The following STRN variants were observed in gnomAD, a reference collection of about 807,000 sequenced individuals.
STRN encodes striatin.
Under a neutral mutation model 96.3 loss-of-function variants are expected in STRN, and 53 were observed. That is an observed-to-expected ratio of 0.55 (90% CI 0.44 to 0.69). The LOEUF is 0.69. STRN is among the 30% of genes least tolerant of loss of function. The pLI is 0.00. For synonymous variants in STRN, 428 were observed against 355.9 expected, an observed-to-expected ratio of 1.20 and a Z score of -2.28; for missense variants, 987 against 963.9, an observed-to-expected ratio of 1.02 and a Z score of -0.32.
chr2:36,843,809 T>C lies in STRN; in HGVS notation c.*5647A>G, dbSNP rs928097596. On this transcript the variant is annotated 3_prime_UTR_variant, in exon 18 of 18. Transcript: ENST00000263918. ...ACCTATAGCATGTTATCTATATTTG[T>C]ACACTTTATTTAAAAACAAATAATA... 1.3e-5 allele frequency: 2 copies of C among 152,200 alleles called. No individual in the cohort carries two copies. Among genetic ancestry groups the C allele is most frequent in the Admixed American group, 1.3e-4 (2 of 15,272 alleles). 9.4% of individuals were successfully genotyped at this position (152,200 alleles called of 1,614,324 possible). A position where few individuals can be genotyped will look rare whatever the true frequency, so the allele number is the denominator to read the frequency against.
intron 1 of STRN, among the ~76,000 whole-genome samples, chr2:36,954,730 G>T (rs1354235200): frequency 6.6e-6 from 1 of 151,524 alleles, no homozygotes; most frequent in Non-Finnish European, 1.5e-5. Context: ...TCTGCCTCCT[G>T]GGTTCAAGCG....
At chr2:36,861,518 G>A (rs1668479060) in intron 12 of STRN, among the ~76,000 whole-genome samples, 1 of 151,950 alleles carries the variant, frequency 6.6e-6, no homozygotes, top group African/African-American at 2.4e-5. Flanking sequence ...CATTTTTAAA[G>A]GGTTATAAAA....
chr2:36,874,357 G>C lies in STRN; in HGVS notation c.1323+3534C>G, dbSNP rs76332631. 5.2e-3 allele frequency among the ~76,000 whole-genome samples: 786 copies of C among 151,744 alleles called. 6 individuals are homozygous for C. The highest frequency in any genetic ancestry group is 0.018 in the African/African-American group (729 of 41,382). On this transcript the variant is annotated intron_variant, in intron 10 of 17. Transcript: ENST00000263918. ...TGAAGAGACAATTAGTGAACTGAAAGATGAATCATAAAAAAAATAAAGGGA... is the reference window on the plus strand; with the variant it reads ...TGAAGAGACAATTAGTGAACTGAAACATGAATCATAAAAAAAATAAAGGGA...
chr2:36,943,386 C>CTA (rs72109513), intron 1 of STRN, among the ~76,000 whole-genome samples: 196 of 148,900 alleles, frequency 1.3e-3, no homozygotes, highest in African/African-American at 2.4e-3. Flanking sequence ...GGGACTAGAA[C>CTA]TATATATATA....
At chr2:36,859,127 G>A (rs548287253) in intron 13 of STRN, among the ~76,000 whole-genome samples, 1 of 152,302 alleles carries the variant, frequency 6.6e-6, no homozygotes, top group African/African-American at 2.4e-5. Flanking sequence ...TTTATGGTGT[G>A]ATTTCTACTA....
At chr2:36,953,760 A>G (rs1376838359) in intron 1 of STRN, among the ~76,000 whole-genome samples, 1 of 152,222 alleles carries the variant, frequency 6.6e-6, no homozygotes, top group Middle Eastern at 3.2e-3. Context: ...TATTTTGTCA[A>G]ATAACTTTCT....
At chr2:36,867,422 C>G (rs2148146923) in intron 12 of STRN, 1 of 156,386 alleles carries the variant, frequency 6.4e-6, no homozygotes, top group South Asian at 2.1e-4. Flanking sequence ...CTTCGTGAAT[C>G]TGTGTCATCC....
intron 3 of STRN, among the ~76,000 whole-genome samples, 171 bp downstream of exon 3, chr2:36,915,907 G>C (rs1383892841): frequency 2.0e-5 from 3 of 152,192 alleles, no homozygotes; most frequent in Non-Finnish European, 4.4e-5. Context: ...AAGGAAGGAA[G>C]GTGGTGGAAA....
intron 1 of STRN, among the ~76,000 whole-genome samples, chr2:36,964,707 T>TA (rs1194130094): frequency 4.6e-5 from 7 of 152,210 alleles, no homozygotes; most frequent in African/African-American, 1.7e-4. Flanking sequence ...CTACCCCATC[T>TA]AAAATAGCTG....
Position 36,861,333 on chromosome 2 carries a change from T to A in STRN, c.1548-80A>T, listed in dbSNP as rs945209778. The A allele has an allele frequency of 2.6e-6, 4 of 1,542,912 alleles. No individual in the cohort carries two copies. In the African/African-American group the frequency reaches 5.5e-5, roughly 21 times the overall value. ...TATGACTTGTTAAAAATAAGAATGT[T>A]TAATTACCCAAATGGCTATTTTTCT... is the stretch of plus-strand genomic sequence containing the variant. On this transcript the variant is annotated intron_variant, in intron 12 of 17. Coordinates refer to ENST00000263918, the MANE Select transcript of STRN (RefSeq NM_003162.4).
intron 7 of STRN, among the ~76,000 whole-genome samples, chr2:36,887,723 A>G (rs1248011180): frequency 6.6e-6 from 1 of 152,240 alleles, no homozygotes; most frequent in Non-Finnish European, 1.5e-5. Flanking sequence ...TTTAAAATTT[A>G]CAACTTAAAT....
chr2:36,928,879 C>T (rs1159495904), intron 1 of STRN, among the ~76,000 whole-genome samples: 9 of 148,000 alleles, frequency 6.1e-5, no homozygotes, highest in Admixed American at 5.5e-4. Context: ...ACCCAGGAGG[C>T]AGAGGCTGCA....
chr2:36,896,070 T>C (rs1669534281), intron 6 of STRN, among the ~76,000 whole-genome samples: 1 of 152,122 alleles, frequency 6.6e-6, no homozygotes, highest in South Asian at 2.1e-4. Flanking sequence ...CTCTGATGAG[T>C]TGCCAGCTGT....
At chr2:36,911,242 A>G (rs1316202467) in intron 3 of STRN, among the ~76,000 whole-genome samples, 1 of 152,198 alleles carries the variant, frequency 6.6e-6, no homozygotes, top group Non-Finnish European at 1.5e-5. Context: ...CTCCACAGCC[A>G]CCACCCTCTC....
chr2:36,898,827 G>A (rs1314568882), intron 6 of STRN, among the ~76,000 whole-genome samples: 2 of 152,050 alleles, frequency 1.3e-5, no homozygotes, highest in Non-Finnish European at 1.5e-5. Flanking sequence ...AGTGAAACAT[G>A]TCCTCATATC....
At position 36,848,472 on chromosome 2, in the gene STRN, G is replaced by T. The variant is rs1668136700; in HGVS notation, c.*984C>A. ...AACGTGACAAAGAAGAAAGAGCACA[G>T]ATCATCTGAAGCATGATTAGGTGGG... On this transcript the variant is annotated 3_prime_UTR_variant, in exon 18 of 18. Coordinates refer to ENST00000263918, the MANE Select transcript of STRN (RefSeq NM_003162.4). 1 of 152,192 alleles carries T rather than the reference G, an allele frequency of 6.6e-6. No individual in the cohort carries two copies. The highest frequency in any genetic ancestry group is 6.5e-5 in the Admixed American group (1 of 15,276). The allele number at this position is 152,192 out of a possible 1,614,324, so 9.4% of individuals were successfully genotyped here.
intron 2 of STRN, 116 bp downstream of exon 2, chr2:36,924,989 G>C: frequency 1.2e-6 from 1 of 814,602 alleles, no homozygotes; most frequent in Non-Finnish European, 2.0e-6. Flanking sequence ...CCGGGAGGCG[G>C]AGGTCGCGGT....
chr2:36,916,719 C>G (rs1004029022), intron 2 of STRN, among the ~76,000 whole-genome samples: 8 of 152,046 alleles, frequency 5.3e-5, no homozygotes, highest in Non-Finnish European at 2.9e-5. Context: ...TTTTTTTATA[C>G]TAGTCAAGAT....
intron 4 of STRN, among the ~76,000 whole-genome samples, chr2:36,903,515 A>C (rs6744560): frequency 0.33 from 49,710 of 152,078 alleles, 8,648 homozygotes; most frequent in Non-Finnish European, 0.37. Context: ...ACAGACCAAA[A>C]GTGGCAGTGG....
Sources: allele counts gnomAD v4.1 joint callset (sites outside exome capture counted in the v4.1 genomes callset), GRCh38; gene constraint gnomAD v4.1.1; transcripts MANE v1.5; gene names NCBI Gene and HGNC (gene_info 2026-07-23, HGNC 2026-07-21).